The following PRKCZ variants were observed in gnomAD, a reference collection of about 807,000 sequenced individuals.
PRKCZ encodes protein kinase C zeta.
In PRKCZ, 33 loss-of-function variants were observed where a neutral mutation model predicts 79.5. That is an observed-to-expected ratio of 0.41 (90% CI 0.31 to 0.55). The LOEUF (loss-of-function observed/expected upper bound fraction) is 0.55, where lower values mean the gene tolerates loss of function less well. Among genes scored for constraint, PRKCZ ranks in the 20% least tolerant of loss-of-function variants. PRKCZ has a pLI of 0.19. For synonymous variants in PRKCZ, 342 were observed against 320.9 expected, an observed-to-expected ratio of 1.07 and a Z score of -0.70; for missense variants, 578 against 813.5, an observed-to-expected ratio of 0.71 and a Z score of 3.52.
rs796484489 is a variant in PRKCZ, at chr1:2,123,277, G to A, written c.335-11985G>A. ...TCATGGTGGTGGTTAGGGTCGTGGT[G>A]GTTAGGGTCACGGTGGTAGTTAGGG... On this transcript the variant is annotated intron_variant, in intron 4 of 17. Coordinates refer to ENST00000378567, the MANE Select transcript of PRKCZ (RefSeq NM_002744.6). Among the ~76,000 whole-genome samples, 2 of 5,226 alleles carry A rather than the reference G, an allele frequency of 3.8e-4. 1 individual carries two copies. Among genetic ancestry groups the A allele is most frequent in the Non-Finnish European group, 6.3e-4 (2 of 3,200 alleles). 3.4% of individuals were successfully genotyped at this position (5,226 alleles called of 152,430 possible).
At chr1:2,151,093 G>C in intron 9 of PRKCZ, 115 bp downstream of exon 9, 1 of 1,287,916 alleles carries the variant, frequency 7.8e-7, no homozygotes, top group Non-Finnish European at 1.0e-6. Context: ...CGTTGACGGA[G>C]TTTGTGCAAA....
intron 10 of PRKCZ, among the ~76,000 whole-genome samples, chr1:2,167,951 C>T (rs1683662802): frequency 2.0e-5 from 3 of 152,152 alleles, no homozygotes; most frequent in Admixed American, 6.5e-5. Flanking sequence ...GTTTTCTGAC[C>T]GACTCTTAGG....
At chr1:2,180,575 TGACCTGGACGCACGGAC>T (rs1042658396) in intron 16 of PRKCZ, among the ~76,000 whole-genome samples, 5 of 149,384 alleles carry the variant, frequency 3.3e-5, no homozygotes, top group African/African-American at 9.9e-5. Flanking sequence ...GACGCACAGA[TGACCTGGACGCACGGAC>T]GACGTGGACG....
chr1:2,158,581 CA>C (rs1156413857), intron 10 of PRKCZ, among the ~76,000 whole-genome samples: 3 of 152,230 alleles, frequency 2.0e-5, no homozygotes, highest in Non-Finnish European at 4.4e-5. Context: ...GGAATACGCC[CA>C]GGGGAAGGCA....
chr1:2,150,161 CAAAAAAA>C (rs750010192), intron 8 of PRKCZ, among the ~76,000 whole-genome samples: 2 of 46,682 alleles, frequency 4.3e-5, no homozygotes, highest in Non-Finnish European at 9.1e-5. Flanking sequence ...GACTCCGTCT[CAAAAAAA>C]AAAAAAAAAA....
At chr1:2,124,674 G>A (rs930592243) in intron 4 of PRKCZ, among the ~76,000 whole-genome samples, 7 of 152,212 alleles carry the variant, frequency 4.6e-5, no homozygotes, top group East Asian at 3.9e-4. Flanking sequence ...CTGAGCCGAC[G>A]GAGACAGTTC....
rs552828038 is a variant in PRKCZ at position 2,091,088 on chromosome 1, G to A, written c.334+31497G>A. Reference sequence around the variant, plus strand: ...CTCTTGTTGCCCAGGCTGGACTGCAGTGGTGCAATCTCGGTTCACTGCGAC... The same window carrying A: ...CTCTTGTTGCCCAGGCTGGACTGCAATGGTGCAATCTCGGTTCACTGCGAC... On this transcript the variant is annotated intron_variant, in intron 4 of 17. Transcript: ENST00000378567. Among the ~76,000 whole-genome samples, 25 of 152,336 alleles carry A rather than the reference G, an allele frequency of 1.6e-4. 3 individuals carry two copies. The South Asian group carries it at 5.0e-3, about 30-fold the overall frequency.
In PRKCZ at chr1:2,063,615, T is replaced by C. The variant is rs567543283; in HGVS notation, c.334+4024T>C. The stretch of plus-strand genomic sequence containing the variant: ...GGCGTGAGCCACTGCACCTGGCCGA[T>C]AATTCTGTTTAAAGAGCCGCCGTGC... On this transcript the variant is annotated intron_variant, in intron 4 of 17. Transcript: ENST00000378567. Among the ~76,000 whole-genome samples, 163 of 152,224 alleles carry C rather than the reference T, an allele frequency of 1.1e-3. 1 individual carries two copies. Among genetic ancestry groups the C allele is most frequent in the African/African-American group, 3.9e-3 (161 of 41,542 alleles).
chr1:2,098,076 A>ACTCAGGATGACTAAGGT lies in PRKCZ; in HGVS notation c.335-37185_335-37184insTCAGGATGACTAAGGTC, dbSNP rs1244016099. On this transcript the variant is annotated intron_variant, in intron 4 of 17. Transcript: ENST00000378567. Reference sequence around the variant, plus strand: ...AACAGGTGACTCAGGATGACTAAGAACAGAGCAGGTGACAAGGATGACTAA... The same window carrying ACTCAGGATGACTAAGGT: ...AACAGGTGACTCAGGATGACTAAGAACTCAGGATGACTAAGGTCAGAGCAGGTGACAAGGATGACTAA... Among the ~76,000 whole-genome samples, 3 of 127,336 alleles carry ACTCAGGATGACTAAGGT rather than the reference A, an allele frequency of 2.4e-5. No homozygotes were observed. The South Asian group carries it at 7.7e-4, about 33-fold the overall frequency. 83.5% of individuals were successfully genotyped at this position (127,336 alleles called of 152,430 possible). A position where few individuals can be genotyped will look rare whatever the true frequency, so the allele number is the denominator to read the frequency against.
intron 7 of PRKCZ, among the ~76,000 whole-genome samples, chr1:2,146,782 A>G (rs1295886554): frequency 6.6e-6 from 1 of 152,192 alleles, no homozygotes; most frequent in Non-Finnish European, 1.5e-5. Flanking sequence ...TAAAGCACTT[A>G]GTTCACACAG....
Position 2,128,247 on chromosome 1 carries a change from A to G in PRKCZ, c.335-7015A>G, listed in dbSNP as rs1674318637. Among the ~76,000 whole-genome samples, 1 of 152,088 alleles carries G rather than the reference A, an allele frequency of 6.6e-6. No homozygotes were observed. The highest frequency in any genetic ancestry group is 1.5e-5 in the Non-Finnish European group (1 of 67,998). ...GTGGCTTGACCACTGCCTTGCACCC[A>G]TCCGGGCCCCGCAGGGCCGTCCTGT... On this transcript the variant is annotated intron_variant, in intron 4 of 17. Coordinates refer to ENST00000378567, the MANE Select transcript of PRKCZ (RefSeq NM_002744.6). This position sits in a 1 kb window ranked among gnomAD's most constrained non-coding sequence, Gnocchi z 6.5.
At chr1:2,105,533 GGGATTA>G (rs1668239482) in intron 4 of PRKCZ, among the ~76,000 whole-genome samples, 1 of 152,194 alleles carries the variant, frequency 6.6e-6, no homozygotes, top group Non-Finnish European at 1.5e-5. Context: ...CCGAGTAGCT[GGGATTA>G]CAGGCACCTG....
chr1:2,085,217 C>T (rs1046269236), intron 4 of PRKCZ, among the ~76,000 whole-genome samples: 3 of 152,218 alleles, frequency 2.0e-5, no homozygotes, highest in Non-Finnish European at 4.4e-5. Flanking sequence ...GTACGGCTCT[C>T]TGAAACTTCA....
chr1:2,104,956 G>A (rs1263364274), intron 4 of PRKCZ: 2 of 983,492 alleles, frequency 2.0e-6, no homozygotes, highest in Non-Finnish European at 2.4e-6. Flanking sequence ...ATTCAGGAGG[G>A]CGCGGCCGGC....
intron 4 of PRKCZ, among the ~76,000 whole-genome samples, chr1:2,087,920 GC>G (rs532558434): frequency 1.1e-3 from 161 of 152,346 alleles, no homozygotes; most frequent in Non-Finnish European, 1.8e-3. Context: ...ACCCGGGGAG[GC>G]CTGGCTTCGA....
At chr1:2,121,159 C>T (rs1671806558) in intron 4 of PRKCZ, among the ~76,000 whole-genome samples, 1 of 152,192 alleles carries the variant, frequency 6.6e-6, no homozygotes, top group African/African-American at 2.4e-5. Context: ...CTGTGTCCTT[C>T]TCACGTGCAA....
intron 1 of PRKCZ, among the ~76,000 whole-genome samples, chr1:2,054,881 C>T (rs1388660151): frequency 1.3e-5 from 2 of 151,914 alleles, no homozygotes; most frequent in African/African-American, 4.8e-5. Flanking sequence ...ATTTTGTCCT[C>T]ATTCTTTCCA....
In PRKCZ at chr1:2,050,574, C is replaced by A; in HGVS notation, c.-57C>A. On this transcript the variant is annotated 5_prime_UTR_variant, in exon 1 of 18. Transcript: ENST00000378567. ...GCGGCCCCACCTGGAGCCCCCGCCC[C>A]GCGCCATGGCCGGAGCTCCCGGGGC... 1 of 1,123,084 alleles carries A rather than the reference C, an allele frequency of 8.9e-7. No homozygotes were observed. Among genetic ancestry groups the A allele is most frequent in the Non-Finnish European group, 1.1e-6 (1 of 893,360 alleles). The allele number at this position is 1,123,084 out of a possible 1,614,324, so 69.6% of individuals were successfully genotyped here.
chr1:2,113,103 T>C (rs3107142), intron 4 of PRKCZ, among the ~76,000 whole-genome samples: 99,399 of 152,232 alleles, frequency 0.65, 32,870 homozygotes, highest in African/African-American at 0.77. Context: ...GGTGCCTGCC[T>C]CTCCTGCTCT....
Sources: gnomAD v4.1 joint callset for allele counts (sites outside exome capture counted in the v4.1 genomes callset) on GRCh38, gnomAD v4.1.1 for gene constraint, Gnocchi (gnomAD v3.1) non-coding constraint, MANE v1.5 for transcripts, NCBI Gene and HGNC (gene_info 2026-07-23, HGNC 2026-07-21) for gene names.